Variants in U2SURP observed in about 807,000 individuals in gnomAD.
The protein encoded by U2SURP is U2 snRNP-associated SURP motif-containing protein.
Under a neutral mutation model 144.9 loss-of-function variants are expected in U2SURP, and 9 were observed. That is an observed-to-expected ratio of 0.06 (90% CI 0.04 to 0.11). U2SURP has a LOEUF of 0.11. Ranked by LOEUF, U2SURP falls within the 10% of genes least tolerant of loss-of-function variation. U2SURP has a pLI of 1.00. For missense variants in U2SURP, 724 were observed against 1,226.7 expected, an observed-to-expected ratio of 0.59 and a Z score of 6.12; for synonymous variants, 408 against 396.8, an observed-to-expected ratio of 1.03 and a Z score of -0.33.
At position 143,056,574 on chromosome 3, in the gene U2SURP, G is replaced by A; in HGVS notation, c.*124G>A. The A allele has an allele frequency of 8.7e-7, 1 of 1,142,966 alleles. No homozygotes were observed. Among genetic ancestry groups the A allele is most frequent in the African/African-American group, 1.6e-5 (1 of 63,758 alleles). The allele number at this position is 1,142,966 out of a possible 1,614,324, so 70.8% of individuals were successfully genotyped here. A position where few individuals can be genotyped will look rare whatever the true frequency, so the allele number is the denominator to read the frequency against. ...TTCCTGGGGTTTTTTGTTTGTTTGT[G>A]TATGCATGTGTAAACTCATGAGCAA... On this transcript the variant is annotated 3_prime_UTR_variant, in exon 28 of 28. Coordinates refer to ENST00000473835, the MANE Select transcript of U2SURP (RefSeq NM_001080415.2).
chr3:143,046,297 A>T (rs199692734), intron 24 of U2SURP, among the ~76,000 whole-genome samples: 1,849 of 104,314 alleles, frequency 0.018, 6 homozygotes, highest in African/African-American at 0.033. Context: ...TTTATTTTTT[A>T]TTTTTTTTTA....
At chr3:143,052,727 C>T (rs6440134) in intron 25 of U2SURP, among the ~76,000 whole-genome samples, 102,708 of 152,098 alleles carry the variant, frequency 0.68, 34,890 homozygotes, top group African/African-American at 0.75. Context: ...TGTTTGCCAA[C>T]ATCTGGTATA....
intron 23 of U2SURP, among the ~76,000 whole-genome samples, chr3:143,041,295 TTG>T (rs947733818): frequency 4.6e-5 from 7 of 152,084 alleles, no homozygotes; most frequent in African/African-American, 1.7e-4. Context: ...CAGGAAATTC[TTG>T]TGTTTTAAAA....
intron 1 of U2SURP, 39 bp from the exon 2 acceptor site, chr3:143,010,776 A>G: frequency 1.3e-6 from 2 of 1,526,478 alleles, no homozygotes; most frequent in South Asian, 1.2e-5. Flanking sequence ...TTAGTATAAG[A>G]CATTTTAAAT....
At chr3:143,004,853 TA>T (rs1935754175) in intron 1 of U2SURP, among the ~76,000 whole-genome samples, 1 of 152,132 alleles carries the variant, frequency 6.6e-6, no homozygotes, top group Non-Finnish European at 1.5e-5. Flanking sequence ...ATCACTAGTC[TA>T]AAATATTGCT....
intron 16 of U2SURP, among the ~76,000 whole-genome samples, chr3:143,029,330 C>T (rs907771737): frequency 7.9e-5 from 12 of 152,140 alleles, no homozygotes; most frequent in African/African-American, 2.9e-4. Flanking sequence ...TTGTGGCAAC[C>T]CTAAGTCAAA....
chr3:143,017,362 C>A (rs188622732), intron 6 of U2SURP: 21 of 155,234 alleles, frequency 1.4e-4, no homozygotes, highest in Non-Finnish European at 1.7e-4. Context: ...ATTTTTGGAA[C>A]ATTTTGGGAA....
At position 143,032,812 on chromosome 3, in the gene U2SURP, C is replaced by A. The variant is rs766053922; in HGVS notation, c.1639C>A (p.Arg547=). 6.2e-7 allele frequency: 1 copy of A among 1,612,406 alleles called. No homozygotes were observed. The highest frequency in any genetic ancestry group is 1.7e-5 in the Admixed American group (1 of 59,888). Reference sequence around the variant, plus strand: ...GAGGGATAAATTGGAAGAAATCTTGCGGGGATTAACTCCAAGGAAAAATGA... The same window carrying A: ...GAGGGATAAATTGGAAGAAATCTTGAGGGGATTAACTCCAAGGAAAAATGA... The part of the protein sequence containing the change: ...EQRDKLEEIL[R]GLTPRKNDIG... Residue 547 remains arginine, a synonymous_variant, in exon 17 of 28, where the codon CGG becomes AGG. Transcript: ENST00000473835.
chr3:143,041,234 C>T (rs749977388), intron 23 of U2SURP, among the ~76,000 whole-genome samples: 2 of 151,842 alleles, frequency 1.3e-5, no homozygotes, highest in Non-Finnish European at 3.0e-5. Flanking sequence ...CACACATACA[C>T]TTCAATCTAA....
At chr3:143,001,737 C>T in intron 1 of U2SURP, 64 bp downstream of exon 1, 1 of 1,596,978 alleles carries the variant, frequency 6.3e-7, no homozygotes. Context: ...CCCACAGACG[C>T]TTCTGGCCTG....
At chr3:143,008,558 G>A (rs766664163) in intron 1 of U2SURP, among the ~76,000 whole-genome samples, 1 of 152,156 alleles carries the variant, frequency 6.6e-6, no homozygotes, top group Non-Finnish European at 1.5e-5. Flanking sequence ...TCTTAATATT[G>A]AATTTTCCCA....
At chr3:143,048,623 G>A (rs1934672586) in intron 24 of U2SURP, among the ~76,000 whole-genome samples, 1 of 152,150 alleles carries the variant, frequency 6.6e-6, no homozygotes, top group African/African-American at 2.4e-5. Flanking sequence ...CCTGATTATG[G>A]AAGTGAAAAT....
At position 143,056,558 on chromosome 3, in the gene U2SURP, T is replaced by A; in HGVS notation, c.*108T>A. 2.8e-6 allele frequency: 4 copies of A among 1,412,430 alleles called. No individual in the cohort carries two copies. The highest frequency in any genetic ancestry group is 3.8e-6 in the Non-Finnish European group (4 of 1,054,912). 87.5% of individuals were successfully genotyped at this position (1,412,430 alleles called of 1,614,324 possible). A position where few individuals can be genotyped will look rare whatever the true frequency, so the allele number is the denominator to read the frequency against. Reference sequence around the variant, plus strand: ...ATCAAATGAAAGAGCATTCCTGGGGTTTTTTGTTTGTTTGTGTATGCATGT... The same window carrying A: ...ATCAAATGAAAGAGCATTCCTGGGGATTTTTGTTTGTTTGTGTATGCATGT... On this transcript the variant is annotated 3_prime_UTR_variant, in exon 28 of 28. Transcript: ENST00000473835.
chr3:143,020,497 A>T, intron 7 of U2SURP, 102 bp from the exon 8 acceptor site: 1 of 783,962 alleles, frequency 1.3e-6, no homozygotes, highest in Non-Finnish European at 2.1e-6. Flanking sequence ...TTAATTACAG[A>T]TATTTCTAGT....
intron 7 of U2SURP, 66 bp from the exon 8 acceptor site, chr3:143,020,533 C>G (rs768220278): frequency 9.9e-7 from 1 of 1,007,202 alleles, no homozygotes; most frequent in Admixed American, 2.0e-5. Context: ...ATTTGATAAG[C>G]GCTATTCTGA....
chr3:143,006,135 G>A (rs1326231035), intron 1 of U2SURP, among the ~76,000 whole-genome samples: 1 of 152,088 alleles, frequency 6.6e-6, no homozygotes, highest in African/African-American at 2.4e-5. Flanking sequence ...TATTCAGAGT[G>A]TACTTACAAC....
At chr3:143,025,917 C>A (rs1233843871) in intron 13 of U2SURP, 1 of 152,000 alleles carries the variant, frequency 6.6e-6, no homozygotes, top group Non-Finnish European at 1.5e-5. Flanking sequence ...TGAAATAGGG[C>A]ATTATAGAGC....
chr3:143,003,357 AT>A (rs1339210069), intron 1 of U2SURP, among the ~76,000 whole-genome samples: 2 of 152,210 alleles, frequency 1.3e-5, no homozygotes, highest in Non-Finnish European at 2.9e-5. Context: ...TTAACAAGAG[AT>A]TTGGGTTCAA....
At chr3:143,042,543 C>T (rs1934171515) in intron 23 of U2SURP, among the ~76,000 whole-genome samples, 1 of 151,870 alleles carries the variant, frequency 6.6e-6, no homozygotes, top group African/African-American at 2.4e-5. Context: ...TTTTGGTGCA[C>T]CTGTCACCTG....
Sources: allele counts gnomAD v4.1 joint callset (sites outside exome capture counted in the v4.1 genomes callset), GRCh38; gene constraint gnomAD v4.1.1; transcripts MANE v1.5; gene names NCBI Gene and HGNC (gene_info 2026-07-23, HGNC 2026-07-21).